Variants in ITSN1 observed in about 807,000 individuals in gnomAD.
ITSN1 encodes the protein intersectin-1.
Under a neutral mutation model 239.8 loss-of-function variants are expected in ITSN1, and 58 were observed. That is an observed-to-expected ratio of 0.24 (90% CI 0.20 to 0.30). ITSN1 has a LOEUF of 0.30. ITSN1 is among the 10% of genes least tolerant of loss of function. The pLI is 1.00. For synonymous variants in ITSN1, 780 were observed against 770.8 expected (o/e 1.01, Z -0.20); for missense variants, 1,558 against 2,103.3 (o/e 0.74, Z 5.07).
At chr21:33,744,589 A>T (rs936898861) in intron 5 of ITSN1, among the ~76,000 whole-genome samples, 1 of 152,184 alleles carries the variant, frequency 6.6e-6, no homozygotes, top group African/African-American at 2.4e-5. Flanking sequence ...AAGAAACCAG[A>T]GTTTCTTGGA....
intron 1 of ITSN1, among the ~76,000 whole-genome samples, chr21:33,670,304 G>A (rs565711646): frequency 6.6e-6 from 1 of 152,094 alleles, no homozygotes; most frequent in Non-Finnish European, 1.5e-5. Flanking sequence ...GGATTGAGTC[G>A]TGATTATGTC....
intron 1 of ITSN1, among the ~76,000 whole-genome samples, chr21:33,670,864 A>G (rs192588351): frequency 8.6e-4 from 131 of 152,328 alleles, no homozygotes; most frequent in African/African-American, 3.0e-3. Flanking sequence ...TGGTGATTCA[A>G]ATATCAAGAA....
chr21:33,834,782 G>A (rs1319835588), intron 28 of ITSN1, among the ~76,000 whole-genome samples: 2 of 152,052 alleles, frequency 1.3e-5, no homozygotes, highest in African/African-American at 4.8e-5. Flanking sequence ...AAAAATAAAC[G>A]GCTGGGGTCT....
At chr21:33,695,143 T>TA (rs2091739116) in intron 1 of ITSN1, among the ~76,000 whole-genome samples, 3 of 152,206 alleles carry the variant, frequency 2.0e-5, no homozygotes, top group Admixed American at 2.0e-4. Flanking sequence ...TATACTTACC[T>TA]ATGATACGCT....
intron 1 of ITSN1, among the ~76,000 whole-genome samples, chr21:33,700,540 A>G (rs1568970747): frequency 6.6e-6 from 1 of 152,208 alleles, no homozygotes; most frequent in Non-Finnish European, 1.5e-5. Context: ...CTTTATGGAC[A>G]GTAGTAGGGA....
At chr21:33,805,055 C>T (rs1384162342) in intron 20 of ITSN1, among the ~76,000 whole-genome samples, 2 of 152,250 alleles carry the variant, frequency 1.3e-5, no homozygotes, top group East Asian at 3.9e-4. Context: ...ATAACCATGC[C>T]AGGGCTCATC....
At chr21:33,842,845 C>A (rs892976005) in intron 29 of ITSN1, among the ~76,000 whole-genome samples, 1 of 152,142 alleles carries the variant, frequency 6.6e-6, no homozygotes, top group East Asian at 1.9e-4. Context: ...TTTTGATCTG[C>A]CAGTTTTCAT....
At chr21:33,732,145 A>T (rs748680164) in intron 4 of ITSN1, among the ~76,000 whole-genome samples, 5 of 152,210 alleles carry the variant, frequency 3.3e-5, no homozygotes, top group Non-Finnish European at 7.3e-5. Context: ...GGTTATCATA[A>T]GTGGTTTTGG....
rs576279040 is a variant in ITSN1 at position 33,655,421 on chromosome 21, G to A, written c.-33+12708G>A. Among the ~76,000 whole-genome samples, 7 of 151,862 alleles carry A rather than the reference G, an allele frequency of 4.6e-5. No individual in the cohort carries two copies. In the South Asian group the frequency reaches 1.2e-3, roughly 27 times the overall value. ...TTCAAGTGTGTAGCCACTGAAACAA[G>A]ATTTTTTTTTTGTTTGAGGCAGAGT... On this transcript the variant is annotated intron_variant, in intron 1 of 39. Transcript: ENST00000381318.
At chr21:33,686,760 A>C (rs1227064170) in intron 1 of ITSN1, among the ~76,000 whole-genome samples, 1 of 152,228 alleles carries the variant, frequency 6.6e-6, no homozygotes, top group Non-Finnish European at 1.5e-5. Context: ...TAATAAAGTC[A>C]AAATGAGGTC....
Position 33,690,058 on chromosome 21 carries a change from C to T in ITSN1, c.-32-28739C>T, listed in dbSNP as rs573966699. On this transcript the variant is annotated intron_variant, in intron 1 of 39. Coordinates refer to ENST00000381318, the MANE Select transcript of ITSN1 (RefSeq NM_003024.3). ...TAGCACTTTGGGAGGCCAAGGCAGG[C>T]GAATCACTTGAGGTCAGGAGTTTGA... Among the ~76,000 whole-genome samples, 15 of 144,602 alleles carry T rather than the reference C, an allele frequency of 1.0e-4. No homozygotes were observed. The Middle Eastern group carries it at 0.013, about 127-fold the overall frequency. The allele number at this position is 144,602 out of a possible 152,430, so 94.9% of individuals were successfully genotyped here.
chr21:33,871,681 C>T (rs114923224), intron 33 of ITSN1, among the ~76,000 whole-genome samples: 9,640 of 150,354 alleles, frequency 0.064, 398 homozygotes, highest in East Asian at 0.079. Flanking sequence ...GTGAAAGTTG[C>T]AGTGAGCCGA....
chr21:33,785,933 A>G (rs1804817603), intron 16 of ITSN1, among the ~76,000 whole-genome samples: 1 of 152,234 alleles, frequency 6.6e-6, no homozygotes, highest in South Asian at 2.1e-4. Context: ...TACTTGAGAA[A>G]GGAAACAGGA....
intron 7 of ITSN1, among the ~76,000 whole-genome samples, chr21:33,752,768 C>T (rs1043457443): frequency 6.7e-6 from 1 of 149,374 alleles, no homozygotes; most frequent in African/African-American, 2.5e-5. Context: ...CCAGGGAGAT[C>T]GAGGCTGCAG....
At chr21:33,676,188 G>T (rs1273653979) in intron 1 of ITSN1, among the ~76,000 whole-genome samples, 2 of 151,906 alleles carry the variant, frequency 1.3e-5, no homozygotes, top group Non-Finnish European at 2.9e-5. Flanking sequence ...TCACCACGTT[G>T]GTCAGGCTGG....
chr21:33,677,136 C>A (rs1281737993), intron 1 of ITSN1, among the ~76,000 whole-genome samples: 1 of 151,664 alleles, frequency 6.6e-6, no homozygotes. Flanking sequence ...TGCACATGTA[C>A]CCTAGAACTT....
At chr21:33,861,735 A>G (rs1980569404) in intron 31 of ITSN1, among the ~76,000 whole-genome samples, 1 of 152,088 alleles carries the variant, frequency 6.6e-6, no homozygotes, top group Admixed American at 6.6e-5. Flanking sequence ...TCATGAGGTC[A>G]GGAGATTGAG....
At position 33,885,115 on chromosome 21, in the gene ITSN1, C is replaced by T. The variant is rs530877301; in HGVS notation, c.4751C>T (p.Ala1584Val). The change falls in exon 37 of 40, where the codon GCG becomes GTG. Residue 1584 changes from alanine to valine, a missense_variant. Physicochemically the swap from Ala to Val is moderately conservative, Grantham distance 64. Transcript: ENST00000381318. The stretch of plus-strand genomic sequence containing the variant: ...ACTGAGAAAAAGAAGCGCGAGAAAG[C>T]GTACCTGGGTAATGCATGGCCCCGC... ...IETEKKKREK[A>V]YLVRSQRATG... 5 of 1,613,652 alleles carry T rather than the reference C, an allele frequency of 3.1e-6. No homozygotes were observed. In the Admixed American group the frequency reaches 5.0e-5, roughly 16 times the overall value.
At chr21:33,701,130 G>A (rs1019311102) in intron 1 of ITSN1, among the ~76,000 whole-genome samples, 4 of 152,002 alleles carry the variant, frequency 2.6e-5, no homozygotes, top group Non-Finnish European at 4.4e-5. Flanking sequence ...ACCTACTGTT[G>A]GTAGAAAGGG....
Sources: allele counts gnomAD v4.1 joint callset (sites outside exome capture counted in the v4.1 genomes callset), GRCh38; gene constraint gnomAD v4.1.1; transcripts MANE v1.5; gene names NCBI Gene and HGNC (gene_info 2026-07-23, HGNC 2026-07-21).